Variants in CFAP54 observed in about 807,000 individuals in gnomAD.
CFAP54 encodes the protein cilia and flagella associated protein 54.
Under a neutral mutation model 370.4 loss-of-function variants are expected in CFAP54, and 290 were observed. That is an observed-to-expected ratio of 0.78 (90% CI 0.71 to 0.86). The LOEUF (loss-of-function observed/expected upper bound fraction) is 0.86, where lower values mean the gene tolerates loss of function less well. CFAP54 is among the 40% of genes least tolerant of loss of function. The pLI is 0.00. For synonymous variants in CFAP54, 1,206 were observed against 1,236.5 expected (o/e 0.98, Z 0.52); for missense variants, 3,399 against 3,528.7 (o/e 0.96, Z 0.93).
At chr12:96,736,266 T>C (rs989200390) in intron 50 of CFAP54, among the ~76,000 whole-genome samples, 10 of 152,192 alleles carry the variant, frequency 6.6e-5, no homozygotes, top group African/African-American at 2.4e-4. Context: ...TCAGGCTGGC[T>C]TCCTCTACAG....
At chr12:96,532,844 C>T (rs879493131) in intron 9 of CFAP54, among the ~76,000 whole-genome samples, 29 of 152,128 alleles carry the variant, frequency 1.9e-4, no homozygotes, top group Admixed American at 1.4e-3. Context: ...TGGTCTCGAA[C>T]TCCTGGGCTC....
chr12:96,500,836 C>T lies in CFAP54; in HGVS notation c.320C>T (p.Ala107Val). 1 of 1,522,358 alleles carries T rather than the reference C, an allele frequency of 6.6e-7. No individual in the cohort carries two copies. The highest frequency in any genetic ancestry group is 1.2e-5 in the South Asian group (1 of 81,396). 94.3% of individuals were successfully genotyped at this position (1,522,358 alleles called of 1,614,324 possible). A position where few individuals can be genotyped will look rare whatever the true frequency, so the allele number is the denominator to read the frequency against. The change falls in exon 2 of 68, where the codon GCC (alanine) becomes GTC (valine). Residue 107 changes from alanine to valine, a missense_variant and splice_region_variant. Physicochemically the swap from Ala to Val is moderately conservative, Grantham distance 64. Around this residue, in one of 3 missense-constraint regions of CFAP54, gnomAD observed 559 missense variants for 576.7 expected, o/e 0.97. Transcript: ENST00000524981. ...GTTTTATTTTATGATTTTTACAGTG[C>T]CACTTCTTTGTTTAATATCTGGACT... ...EEKHEFRRRC[A>V]TSLFNIWTKY...
chr12:96,670,524 A>G (rs531259479), intron 39 of CFAP54, among the ~76,000 whole-genome samples: 2 of 152,332 alleles, frequency 1.3e-5, no homozygotes, highest in Admixed American at 1.3e-4. Context: ...ACCTAACTTC[A>G]AAAGGGGTAG....
intron 65 of CFAP54, among the ~76,000 whole-genome samples, chr12:96,826,049 T>G (rs913832470): frequency 6.9e-6 from 1 of 144,764 alleles, no homozygotes; most frequent in African/African-American, 2.5e-5. Flanking sequence ...TTATATATAT[T>G]TTATATATAC....
intron 59 of CFAP54, 123 bp downstream of exon 59, chr12:96,764,372 C>CAA: frequency 1.5e-6 from 1 of 656,802 alleles, no homozygotes; most frequent in Non-Finnish European, 2.4e-6. Flanking sequence ...CCTGTTATCC[C>CAA]AGCACTTTGG....
chr12:96,683,285 A>T (rs571947243), intron 40 of CFAP54, among the ~76,000 whole-genome samples: 149 of 152,338 alleles, frequency 9.8e-4, no homozygotes, highest in African/African-American at 3.5e-3. Context: ...AATCACCATG[A>T]ATGTGACAGT....
chr12:96,562,693 A>G (rs1332869889), intron 17 of CFAP54, among the ~76,000 whole-genome samples: 1 of 152,040 alleles, frequency 6.6e-6, no homozygotes, highest in East Asian at 1.9e-4. Context: ...GGCTTCCCAA[A>G]GTGCTGGGAT....
rs937579486 is a variant in CFAP54 at position 96,817,775 on chromosome 12, G to A, written c.8958G>A (p.Arg2986=). 6 of 1,461,854 alleles carry A rather than the reference G, an allele frequency of 4.1e-6. No homozygotes were observed. In the African/African-American group the frequency reaches 7.1e-5, roughly 17 times the overall value. 90.6% of individuals were successfully genotyped at this position (1,461,854 alleles called of 1,614,324 possible). A position where few individuals can be genotyped will look rare whatever the true frequency, so the allele number is the denominator to read the frequency against. ...CVGSLWIPLN[R]VIAIHEKLSN... is the part of the protein sequence containing the mutation. Reference sequence around the variant, plus strand: ...ATACATATATATTTGTTATTTTCAGGGTTATTGCAATTCATGAGAAATTAT... The same window carrying A: ...ATACATATATATTTGTTATTTTCAGAGTTATTGCAATTCATGAGAAATTAT... The change falls in exon 65 of 68, where the codon AGG becomes AGA. Residue 2986 remains arginine, a splice_region_variant and synonymous_variant. Transcript: ENST00000524981.
At position 96,554,807 on chromosome 12, in the gene CFAP54, T is replaced by C. The variant is rs981638756; in HGVS notation, c.2410+5T>C. On this transcript the variant is annotated splice_donor_5th_base_variant and intron_variant, in intron 17 of 67. Coordinates refer to ENST00000524981, the MANE Select transcript of CFAP54 (RefSeq NM_001306084.2). ...TGCTTCTGGACAAATTGCAAGGTAG[T>C]AGTCACTAAAGCAAGTAACCATTCT... 12 of 1,529,622 alleles carry C rather than the reference T, an allele frequency of 7.8e-6. No individual in the cohort carries two copies. The highest frequency in any genetic ancestry group is 1.1e-5 in the Non-Finnish European group (12 of 1,142,790). 94.8% of individuals were successfully genotyped at this position (1,529,622 alleles called of 1,614,324 possible).
chr12:96,731,462 A>T (rs1957917899), intron 50 of CFAP54, among the ~76,000 whole-genome samples: 1 of 152,242 alleles, frequency 6.6e-6, no homozygotes, highest in African/African-American at 2.4e-5. Flanking sequence ...AACTATGGTT[A>T]TTCAGACTTG....
chr12:96,569,586 G>A (rs1479802126), intron 19 of CFAP54, among the ~76,000 whole-genome samples: 1 of 152,150 alleles, frequency 6.6e-6, no homozygotes, highest in African/African-American at 2.4e-5. Context: ...AAGAAACCCA[G>A]TTGTTTCATC....
chr12:96,789,803 T>G lies in CFAP54; in HGVS notation c.8680-2526T>G, dbSNP rs563540899. On this transcript the variant is annotated intron_variant, in intron 62 of 67. Transcript: ENST00000524981. ...TCCCCAGGAAAATCAGCTCTGGAGA[T>G]CATTGTCTCTTGCCTGACAGGTGAA... is the stretch of plus-strand genomic sequence containing the variant. Among the ~76,000 whole-genome samples the G allele has an allele frequency of 3.3e-5, 5 of 152,296 alleles. No homozygotes were observed. In the East Asian group the frequency reaches 9.6e-4, roughly 29 times the overall value.
rs1423366030 is a variant in CFAP54 at position 96,522,176 on chromosome 12, G to A, written c.1145G>A (p.Arg382Lys). ...AGACCTAAGATAAGAATTAACCTAA[G>A]GGAAGTACAAACTGTAAGTCTAAAC... ...VFRPKIRINL[R>K]EVQTLSWPRT... Residue 382 changes from arginine to lysine, a missense_variant, in exon 8 of 68, where the codon AGG becomes AAG. Arg to Lys is a conservative substitution (Grantham distance 26, BLOSUM62 2). This residue lies in a region of CFAP54 where 559 missense variants were observed against 576.7 expected (regional missense o/e 0.97). Coordinates refer to ENST00000524981, the MANE Select transcript of CFAP54 (RefSeq NM_001306084.2). 2.6e-6 allele frequency: 4 copies of A among 1,529,978 alleles called. No individual in the cohort carries two copies. Among genetic ancestry groups the A allele is most frequent in the Non-Finnish European group, 2.6e-6 (3 of 1,143,552 alleles). The allele number at this position is 1,529,978 out of a possible 1,614,324, so 94.8% of individuals were successfully genotyped here. A position where few individuals can be genotyped will look rare whatever the true frequency, so the allele number is the denominator to read the frequency against.
chr12:96,777,300 G>C (rs1241949901), intron 60 of CFAP54, among the ~76,000 whole-genome samples: 1 of 151,952 alleles, frequency 6.6e-6, no homozygotes, highest in Non-Finnish European at 1.5e-5. Flanking sequence ...GTGCTCAAGG[G>C]TCAGTAGTTA....
At chr12:96,782,539 G>A (rs1288124278) in intron 60 of CFAP54, among the ~76,000 whole-genome samples, 3 of 151,990 alleles carry the variant, frequency 2.0e-5, no homozygotes, top group African/African-American at 7.2e-5. Context: ...AAATATATAA[G>A]ACCTCTAGGG....
Position 96,528,307 on chromosome 12 carries a change from T to G in CFAP54, c.1357+863T>G, listed in dbSNP as rs189664624. Among the ~76,000 whole-genome samples, 410 of 152,326 alleles carry G rather than the reference T, an allele frequency of 2.7e-3. 1 individual carries two copies. The highest frequency in any genetic ancestry group is 9.3e-3 in the African/African-American group (387 of 41,574). ...TTTCTCTGAATTTATTGAGATTTAC[T>G]GAGTCGATCAAATGGCTTTCTCATT... On this transcript the variant is annotated intron_variant, in intron 9 of 67. Coordinates refer to ENST00000524981, the MANE Select transcript of CFAP54 (RefSeq NM_001306084.2).
At chr12:96,636,648 A>G (rs1307243673) in intron 32 of CFAP54, among the ~76,000 whole-genome samples, 1 of 151,730 alleles carries the variant, frequency 6.6e-6, no homozygotes, top group Non-Finnish European at 1.5e-5. Flanking sequence ...ATTACTTTCT[A>G]TCTTCCTTTT....
intron 38 of CFAP54, among the ~76,000 whole-genome samples, chr12:96,658,939 C>A (rs1303836149): frequency 1.3e-5 from 2 of 152,228 alleles, no homozygotes; most frequent in Non-Finnish European, 2.9e-5. Context: ...TGTGCCCTCA[C>A]AACATGATTC....
At chr12:96,571,130 T>C (rs1024971402) in intron 19 of CFAP54, among the ~76,000 whole-genome samples, 6 of 152,300 alleles carry the variant, frequency 3.9e-5, no homozygotes, top group African/African-American at 1.4e-4. Flanking sequence ...CCCTCAAGAT[T>C]CCATTGCATC....
Sources: allele counts gnomAD v4.1 joint callset (sites outside exome capture counted in the v4.1 genomes callset), GRCh38; gene constraint gnomAD v4.1.1; regional missense constraint gnomAD v4.1.1; transcripts MANE v1.5; gene names NCBI Gene and HGNC (gene_info 2026-07-23, HGNC 2026-07-21).